SPTY2D1: variants seen among roughly 807,000 people sequenced by gnomAD.
The protein encoded by SPTY2D1 is SPT2 chromatin protein domain containing 1.
SPTY2D1 carries 21 observed loss-of-function variants against 64.0 expected under a neutral mutation model. The ratio of observed to expected loss-of-function variants is 0.33; its 90% CI spans 0.23 to 0.47. The LOEUF (loss-of-function observed/expected upper bound fraction) is 0.47, where lower values mean the gene tolerates loss of function less well. Among genes scored for constraint, SPTY2D1 ranks in the 20% least tolerant of loss-of-function variants. The pLI is 1.00. For missense variants in SPTY2D1, 724 were observed against 837.2 expected (o/e 0.86, Z 1.67); for synonymous variants, 287 against 286.8 (o/e 1.00, Z -0.01).
Position 18,614,642 on chromosome 11 carries a change from G to C in SPTY2D1, c.1632C>G (p.Ser544=), listed in dbSNP as rs1854259121. Residue 544 remains serine (S), a synonymous_variant, in exon 3 of 6, where the codon TCC becomes TCG. Coordinates refer to ENST00000336349, the MANE Select transcript of SPTY2D1 (RefSeq NM_194285.3). ...KCTVVSETIS[S]KNIISRSSNG... ...TGCTGGACCGGCTAATGATATTCTTGGAAGAAATTGTTTCGGAGACAACAG... is the reference window on the plus strand; with the variant it reads ...TGCTGGACCGGCTAATGATATTCTTCGAAGAAATTGTTTCGGAGACAACAG... 6.2e-7 allele frequency: 1 copy of C among 1,614,234 alleles called. No individual in the cohort carries two copies. Among genetic ancestry groups the C allele is most frequent in the Non-Finnish European group, 8.5e-7 (1 of 1,180,050 alleles).
chr11:18,614,893 T>C lies in SPTY2D1; in HGVS notation c.1381A>G (p.Ser461Gly), dbSNP rs146592839. The change falls in exon 3 of 6, where the codon AGC (serine) becomes GGC (glycine). Residue 461 changes from serine to glycine, a missense_variant. By Grantham distance (56) the Ser-to-Gly change is moderately conservative (BLOSUM62 0). Transcript: ENST00000336349. ...GSVSSARPLGSSRGPGRPVSS... is the reference protein window; with the variant it reads ...GSVSSARPLGGSRGPGRPVSS... ...ACAGGCCGGCCAGGGCCACGAGAGC[T>C]GCCCAAGGGTCTTGCAGAACTAACT... 6.2e-6 allele frequency: 10 copies of C among 1,613,636 alleles called. No homozygotes were observed. In the African/African-American group the frequency reaches 1.1e-4, roughly 17 times the overall value.
intron 1 of SPTY2D1, among the ~76,000 whole-genome samples, chr11:18,628,538 T>C (rs1270588059): frequency 6.6e-6 from 1 of 150,664 alleles, no homozygotes; most frequent in Non-Finnish European, 1.5e-5. Flanking sequence ...TTATATTCTA[T>C]TTAGTAAGGC....
intron 1 of SPTY2D1, among the ~76,000 whole-genome samples, chr11:18,632,299 C>T (rs887065287): frequency 4.0e-5 from 6 of 151,700 alleles, no homozygotes; most frequent in East Asian, 1.9e-4. Flanking sequence ...CTAGCTTTGG[C>T]GGGGAGAGGT....
In SPTY2D1 at chr11:18,608,993, GA is replaced by G; in HGVS notation, c.*867del. Reference sequence around the variant, plus strand: ...ATATCTTTATGATGGGGGAGGGGAGGAGGGGAGAGCCTCACATGTTACTTCC... The same window carrying G: ...ATATCTTTATGATGGGGGAGGGGAGGGGGGAGAGCCTCACATGTTACTTCC... On this transcript the variant is annotated 3_prime_UTR_variant, in exon 6 of 6. Coordinates refer to ENST00000336349, the MANE Select transcript of SPTY2D1 (RefSeq NM_194285.3). 6.6e-6 allele frequency: 1 copy of G among 152,564 alleles called. No homozygotes were observed. Among genetic ancestry groups the G allele is most frequent in the South Asian group, 2.1e-4 (1 of 4,818 alleles). The allele number at this position is 152,564 out of a possible 1,614,324, so 9.5% of individuals were successfully genotyped here. A position where few individuals can be genotyped will look rare whatever the true frequency, so the allele number is the denominator to read the frequency against.
Position 18,612,562 on chromosome 11 carries a change from T to A in SPTY2D1, c.1712-74A>T. 1.5e-6 allele frequency: 2 copies of A among 1,317,214 alleles called. No individual in the cohort carries two copies. The highest frequency in any genetic ancestry group is 1.0e-6 in the Non-Finnish European group (1 of 985,078). The allele number at this position is 1,317,214 out of a possible 1,614,324, so 81.6% of individuals were successfully genotyped here. On this transcript the variant is annotated intron_variant, in intron 3 of 5. Transcript: ENST00000336349. The surrounding 1 kb of genome is among the most constrained non-coding windows in gnomAD (Gnocchi z 4.6). ...TGCAGTTCTATGTAAACTGAAATTG[T>A]GAGTCATCATTAAGATGGTATCCTT...
At chr11:18,617,866 C>G (rs1439378590) in intron 1 of SPTY2D1, among the ~76,000 whole-genome samples, 1 of 152,078 alleles carries the variant, frequency 6.6e-6, no homozygotes, top group Non-Finnish European at 1.5e-5. Context: ...GGCTTGAACC[C>G]AGGAGGCAGA....
chr11:18,614,534 A>G, intron 3 of SPTY2D1, 29 bp downstream of exon 3: 1 of 1,573,554 alleles, frequency 6.4e-7, no homozygotes, highest in Non-Finnish European at 8.6e-7. Flanking sequence ...TGACAAATAT[A>G]TACTCTTTCG....
At position 18,634,266 on chromosome 11, in the gene SPTY2D1, G is replaced by A; in HGVS notation, c.-9C>T. 1 of 1,614,064 alleles carries A rather than the reference G, an allele frequency of 6.2e-7. No individual in the cohort carries two copies. The highest frequency in any genetic ancestry group is 8.5e-7 in the Non-Finnish European group (1 of 1,180,018). On this transcript the variant is annotated 5_prime_UTR_variant, in exon 1 of 6. Coordinates refer to ENST00000336349, the MANE Select transcript of SPTY2D1 (RefSeq NM_194285.3). ...ATTTCTCTGAAGTCCATGTTGGGCCGAGGCGGGAGAGACTGGGCCAGGCAC... is the reference window on the plus strand; with the variant it reads ...ATTTCTCTGAAGTCCATGTTGGGCCAAGGCGGGAGAGACTGGGCCAGGCAC...
At chr11:18,611,609 A>C in intron 4 of SPTY2D1, 55 bp from the exon 5 acceptor site, 1 of 1,386,250 alleles carries the variant, frequency 7.2e-7, no homozygotes, top group Non-Finnish European at 1.0e-6. Context: ...TTCTAAAGGA[A>C]CTACGTCCTC....
At chr11:18,625,001 G>GA (rs1217028890) in intron 1 of SPTY2D1, among the ~76,000 whole-genome samples, 18 of 148,228 alleles carry the variant, frequency 1.2e-4, no homozygotes, top group East Asian at 9.9e-4. Context: ...TCCGTCTCAA[G>GA]AAAAAAAAAA....
intron 1 of SPTY2D1, among the ~76,000 whole-genome samples, chr11:18,633,677 T>C (rs1305971066): frequency 6.6e-6 from 1 of 152,168 alleles, no homozygotes; most frequent in Admixed American, 6.6e-5. Context: ...TGGGAGGTGA[T>C]AATTTAATCA....
intron 1 of SPTY2D1, among the ~76,000 whole-genome samples, chr11:18,618,081 C>T (rs1486027971): frequency 6.6e-6 from 1 of 152,220 alleles, no homozygotes; most frequent in Non-Finnish European, 1.5e-5. Flanking sequence ...CAACTATTTT[C>T]TCTCCTGACT....
chr11:18,616,788 G>A, intron 2 of SPTY2D1, 87 bp downstream of exon 2: 11 of 1,297,164 alleles, frequency 8.5e-6, no homozygotes, highest in Non-Finnish European at 1.2e-5. Flanking sequence ...GGCCTGTTAT[G>A]TTTTTATAGA....
rs1854163636 is a variant in SPTY2D1, at chr11:18,609,617, T to C, written c.*244A>G. ...TAGCTCATCAGGATCAAGGCTGGCA[T>C]CTGTGAACAGTTAACTTCATAAGAG... On this transcript the variant is annotated 3_prime_UTR_variant, in exon 6 of 6. Transcript: ENST00000336349. 2.0e-6 allele frequency: 1 copy of C among 505,488 alleles called. No homozygotes were observed. Among genetic ancestry groups the C allele is most frequent in the African/African-American group, 1.9e-5 (1 of 51,900 alleles). The allele number at this position is 505,488 out of a possible 1,614,324, so 31.3% of individuals were successfully genotyped here.
At chr11:18,616,698 A>AT (rs1854304164) in intron 2 of SPTY2D1, among the ~76,000 whole-genome samples, 177 bp downstream of exon 2, 1 of 151,566 alleles carries the variant, frequency 6.6e-6, no homozygotes, top group Non-Finnish European at 1.5e-5. Flanking sequence ...TCGAGGTAAC[A>AT]TATGTAAAGC....
At chr11:18,619,351 G>C (rs1854352770) in intron 1 of SPTY2D1, among the ~76,000 whole-genome samples, 1 of 151,744 alleles carries the variant, frequency 6.6e-6, no homozygotes, top group Non-Finnish European at 1.5e-5. Flanking sequence ...AGGCGCAGTG[G>C]CTCAAGCCTG....
chr11:18,619,832 A>G (rs917797031), intron 1 of SPTY2D1, among the ~76,000 whole-genome samples: 4 of 152,148 alleles, frequency 2.6e-5, no homozygotes, highest in Admixed American at 6.6e-5. Flanking sequence ...TACAAATCAA[A>G]GCCCCATGCA....
intron 1 of SPTY2D1, 119 bp downstream of exon 1, chr11:18,634,079 C>T: frequency 9.3e-7 from 1 of 1,077,366 alleles, no homozygotes. Context: ...GGAAATAAGG[C>T]GTCCGGGTCT....
At position 18,614,970 on chromosome 11, in the gene SPTY2D1, G is replaced by C. The variant is rs115073666; in HGVS notation, c.1304C>G (p.Pro435Arg). ...ACCTGAGCTGCTTGCAGGTTGTCCA[G>C]GGCCACATGTACCACTGACTGTCCG... ...SRRTVSGTCG[P>R]GQPASSSGGP... The change falls in exon 3 of 6, where the codon CCT (proline) becomes CGT (arginine). Residue 435 changes from proline (P) to arginine (R), a missense_variant. Physicochemically the swap from Pro to Arg is moderately radical, Grantham distance 103. Around this residue, in one of 3 missense-constraint regions of SPTY2D1, gnomAD observed 426 missense variants for 431.8 expected, o/e 0.99. Transcript: ENST00000336349. 1.0e-3 allele frequency: 1,689 copies of C among 1,614,128 alleles called. 15 individuals are homozygous for C. The African/African-American group carries it at 0.017, about 16-fold the overall frequency.
Sources: allele counts gnomAD v4.1 joint callset (sites outside exome capture counted in the v4.1 genomes callset), GRCh38; gene constraint gnomAD v4.1.1; regional missense constraint gnomAD v4.1.1; non-coding constraint Gnocchi (gnomAD v3.1); transcripts MANE v1.5; gene names NCBI Gene and HGNC (gene_info 2026-07-23, HGNC 2026-07-21).